PELI2: variants seen among roughly 807,000 people sequenced by gnomAD.
PELI2 encodes the protein E3 ubiquitin-protein ligase pellino homolog 2.
Under a neutral mutation model 42.3 loss-of-function variants are expected in PELI2, and 23 were observed. The observed-to-expected ratio is 0.54, with a 90% CI of 0.39 to 0.77. The LOEUF (loss-of-function observed/expected upper bound fraction) is 0.77, where lower values mean the gene tolerates loss of function less well. Ranked by LOEUF, PELI2 falls within the 30% of genes least tolerant of loss-of-function variation. PELI2 has a pLI of 0.00. For synonymous variants in PELI2, 245 were observed against 212.2 expected (o/e 1.15, Z -1.34); for missense variants, 463 against 553.2 (o/e 0.84, Z 1.64).
At chr14:56,169,014 T>A (rs1885070403) in intron 1 of PELI2, among the ~76,000 whole-genome samples, 1 of 152,050 alleles carries the variant, frequency 6.6e-6, no homozygotes, top group Non-Finnish European at 1.5e-5. Context: ...CTCTGACTGG[T>A]GCCCTATCCT....
chr14:56,226,956 G>C (rs1484192618), intron 2 of PELI2, among the ~76,000 whole-genome samples: 1 of 152,154 alleles, frequency 6.6e-6, no homozygotes, highest in Admixed American at 6.5e-5. Flanking sequence ...ACTCACCACA[G>C]TGTTTCTTTA....
chr14:56,277,271 G>C (rs1023834386), intron 2 of PELI2, among the ~76,000 whole-genome samples: 2 of 152,054 alleles, frequency 1.3e-5, no homozygotes, highest in African/African-American at 4.8e-5. Context: ...CTTGCATTAC[G>C]GGTTGAACTC....
At chr14:56,120,129 T>C (rs1337642788) in intron 1 of PELI2, among the ~76,000 whole-genome samples, 1 of 152,186 alleles carries the variant, frequency 6.6e-6, no homozygotes, top group Non-Finnish European at 1.5e-5. Flanking sequence ...TTTTCTCACC[T>C]ACATCTTAAT....
chr14:56,141,563 G>A (rs940817791), intron 1 of PELI2, among the ~76,000 whole-genome samples: 2 of 152,162 alleles, frequency 1.3e-5, no homozygotes, highest in African/African-American at 4.8e-5. Context: ...AAGAAAAGAG[G>A]TTTAATTGAC....
Position 56,288,629 on chromosome 14 carries a change from C to A in PELI2, c.502C>A (p.Leu168Ile). The A allele has an allele frequency of 6.2e-7, 1 of 1,607,818 alleles. No individual in the cohort carries two copies. Among genetic ancestry groups the A allele is most frequent in the Non-Finnish European group, 8.5e-7 (1 of 1,175,180 alleles). ...ATTTGACTCTTCCAAAAACATATTT[C>A]TTGGAGTAAGTACTGTCAAGAAGTA... is the stretch of plus-strand genomic sequence containing the variant. ...AGFDSSKNIF[L>I]GEKAAKWKNP... The change falls in exon 4 of 6, where the codon CTT (leucine) becomes ATT (isoleucine). Residue 168 changes from leucine to isoleucine, a missense_variant. Coordinates refer to ENST00000267460, the MANE Select transcript of PELI2 (RefSeq NM_021255.3). The surrounding 1 kb of genome is among the most constrained non-coding windows in gnomAD (Gnocchi z 4.6).
chr14:56,153,757 A>G (rs919664184), intron 1 of PELI2, among the ~76,000 whole-genome samples: 1 of 152,214 alleles, frequency 6.6e-6, no homozygotes, highest in African/African-American at 2.4e-5. Flanking sequence ...TGTATATTTA[A>G]AATGGAGGTC....
intron 2 of PELI2, among the ~76,000 whole-genome samples, chr14:56,221,201 G>A (rs1239409821): frequency 2.0e-5 from 3 of 152,196 alleles, no homozygotes; most frequent in Non-Finnish European, 4.4e-5. Context: ...GGAAGGAGAG[G>A]AAGGGCCTAC....
chr14:56,134,861 T>C (rs1422399115), intron 1 of PELI2, among the ~76,000 whole-genome samples: 1 of 151,790 alleles, frequency 6.6e-6, no homozygotes, highest in Admixed American at 6.6e-5. Flanking sequence ...TATTACACCA[T>C]CCCCCAATCC....
intron 2 of PELI2, among the ~76,000 whole-genome samples, chr14:56,201,563 A>G: frequency 6.6e-6 from 1 of 152,196 alleles, no homozygotes; most frequent in Non-Finnish European, 1.5e-5. Context: ...TTTTGAGGAA[A>G]TATTTTTCCC....
chr14:56,267,807 G>A (rs1163730407), intron 2 of PELI2, among the ~76,000 whole-genome samples: 1 of 152,016 alleles, frequency 6.6e-6, no homozygotes, highest in Non-Finnish European at 1.5e-5. Flanking sequence ...TTTTAAATGG[G>A]GACTTTTGCT....
At chr14:56,141,615 A>G (rs764301785) in intron 1 of PELI2, among the ~76,000 whole-genome samples, 1 of 152,198 alleles carries the variant, frequency 6.6e-6, no homozygotes, top group African/African-American at 2.4e-5. Flanking sequence ...GATACTTACA[A>G]TCATGGCAGA....
intron 1 of PELI2, among the ~76,000 whole-genome samples, chr14:56,177,934 T>C (rs1288891601): frequency 1.3e-5 from 2 of 152,224 alleles, no homozygotes; most frequent in East Asian, 3.8e-4. Context: ...TTAATTAGTA[T>C]GCTATTTTCT....
intron 2 of PELI2, among the ~76,000 whole-genome samples, chr14:56,242,287 G>C (rs12889590): frequency 0.4 from 61,389 of 152,154 alleles, 13,106 homozygotes; most frequent in South Asian, 0.53. Flanking sequence ...GTGCACTACA[G>C]ACTCTGCTGT....
chr14:56,152,176 C>A (rs1482941835), intron 1 of PELI2, among the ~76,000 whole-genome samples: 1 of 152,214 alleles, frequency 6.6e-6, no homozygotes, highest in African/African-American at 2.4e-5. Context: ...CCACATCTAG[C>A]TGCAAGGGAA....
intron 1 of PELI2, among the ~76,000 whole-genome samples, chr14:56,162,448 T>C (rs1884798610): frequency 6.6e-6 from 1 of 152,232 alleles, no homozygotes; most frequent in South Asian, 2.1e-4. Flanking sequence ...CTGGATCTTA[T>C]TTCCTTTTAT....
In PELI2 at chr14:56,254,215, A is replaced by G. The variant is rs1187639641; in HGVS notation, c.208-25461A>G. On this transcript the variant is annotated intron_variant, in intron 2 of 5. Coordinates refer to ENST00000267460, the MANE Select transcript of PELI2 (RefSeq NM_021255.3). ...AGAGATCAAGACCATCCTGGCCAAC[A>G]TGGTGAAACCCCGTCTCTACCAAAT... is the stretch of plus-strand genomic sequence containing the variant. 2.0e-5 allele frequency among the ~76,000 whole-genome samples: 3 copies of G among 152,292 alleles called. No homozygotes were observed. In the East Asian group the frequency reaches 5.8e-4, roughly 29 times the overall value.
At chr14:56,233,906 T>G (rs2139777275) in intron 2 of PELI2, among the ~76,000 whole-genome samples, 1 of 151,826 alleles carries the variant, frequency 6.6e-6, no homozygotes, top group South Asian at 2.1e-4. Context: ...AACAAATTTA[T>G]AAGGGAATAT....
chr14:56,126,201 A>T (rs949443414), intron 1 of PELI2, among the ~76,000 whole-genome samples: 2 of 152,202 alleles, frequency 1.3e-5, no homozygotes, highest in Non-Finnish European at 2.9e-5. Flanking sequence ...AGCTGCTCGG[A>T]GCTGCATTGC....
intron 5 of PELI2, among the ~76,000 whole-genome samples, chr14:56,292,382 C>T (rs546555190): frequency 2.7e-4 from 41 of 152,288 alleles, no homozygotes; most frequent in African/African-American, 7.9e-4. Flanking sequence ...TGTCTGTCTT[C>T]GAGGAAAGCT....
Sources: allele counts gnomAD v4.1 joint callset (sites outside exome capture counted in the v4.1 genomes callset), GRCh38; gene constraint gnomAD v4.1.1; non-coding constraint Gnocchi (gnomAD v3.1); transcripts MANE v1.5; gene names NCBI Gene and HGNC (gene_info 2026-07-23, HGNC 2026-07-21).